The following ARMC2 variants were observed in gnomAD, a reference collection of about 807,000 sequenced individuals.
ARMC2 encodes armadillo repeat containing 2.
In ARMC2, 67 loss-of-function variants were observed where a neutral mutation model predicts 90.3. The observed-to-expected ratio is 0.74, with a 90% CI of 0.61 to 0.91. The LOEUF is 0.91. Ranked by LOEUF, ARMC2 falls within the 40% of genes least tolerant of loss-of-function variation. The probability of loss-of-function intolerance (pLI) is 0.00; values close to 1 mark genes in which losing one functional copy is unlikely to be tolerated. For missense variants in ARMC2, 920 were observed against 1,030.9 expected, an observed-to-expected ratio of 0.89 and a Z score of 1.47; for synonymous variants, 393 against 393.0, an observed-to-expected ratio of 1.00 and a Z score of 0.00.
intron 3 of ARMC2, among the ~76,000 whole-genome samples, chr6:108,863,724 T>C (rs1381919759): frequency 6.6e-6 from 1 of 152,252 alleles, no homozygotes; most frequent in East Asian, 1.9e-4. Flanking sequence ...AAACCCCAAA[T>C]GTTTTCGTTC....
intron 1 of ARMC2, among the ~76,000 whole-genome samples, chr6:108,853,226 G>A (rs1461096399): frequency 6.6e-6 from 1 of 152,166 alleles, no homozygotes; most frequent in African/African-American, 2.4e-5. Context: ...TGGGGCCTGT[G>A]TAGAAGGAAA....
chr6:108,873,133 G>A (rs182435432), intron 4 of ARMC2, among the ~76,000 whole-genome samples: 15 of 152,246 alleles, frequency 9.9e-5, no homozygotes, highest in South Asian at 4.1e-4. Context: ...AGCCTCCTCC[G>A]TTTTGTATTG....
Position 108,965,124 on chromosome 6 carries a change from G to T in ARMC2, c.2430G>T (p.Leu810Phe). The T allele has an allele frequency of 1.2e-6, 2 of 1,606,216 alleles. No homozygotes were observed. Among genetic ancestry groups the T allele is most frequent in the Non-Finnish European group, 1.7e-6 (2 of 1,173,286 alleles). ...AAGACACCAACACACTCTTACTCTT[G>T]CTCTCATCATTTTTAGGTAAGACTC... ...GNEDTNTLLL[L>F]LSSFLDEELA... is the part of the protein sequence containing the mutation. Residue 810 changes from leucine to phenylalanine, a missense_variant, in exon 17 of 18, where the codon TTG (leucine) becomes TTT (phenylalanine). Transcript: ENST00000392644.
chr6:108,881,902 G>A (rs1404187886), intron 5 of ARMC2, among the ~76,000 whole-genome samples: 5 of 152,104 alleles, frequency 3.3e-5, no homozygotes, highest in African/African-American at 7.2e-5. Flanking sequence ...GAATACCTCC[G>A]TTCGCTCTCT....
chr6:108,982,943 C>A, the ARMC2 span, among the ~76,000 whole-genome samples: 2 of 151,820 alleles, frequency 1.3e-5, no homozygotes, highest in South Asian at 2.1e-4. Flanking sequence ...GCCTCAGCCT[C>A]CAGAGTAATC....
chr6:109,036,163 G>A, the ARMC2 span, among the ~76,000 whole-genome samples: 1 of 152,124 alleles, frequency 6.6e-6, no homozygotes, highest in African/African-American at 2.4e-5. Context: ...TGGGGAGGGA[G>A]GGAGTGTTGT....
chr6:108,879,819 G>T, intron 5 of ARMC2: 1 of 427,870 alleles, frequency 2.3e-6, no homozygotes. Flanking sequence ...TTCTCTCTCA[G>T]CCACTTGATT....
chr6:108,855,070 T>TC (rs1774408641), intron 2 of ARMC2, among the ~76,000 whole-genome samples: 1 of 152,196 alleles, frequency 6.6e-6, no homozygotes, highest in Admixed American at 6.5e-5. Context: ...CTTGAATAGC[T>TC]CATTTCTTTT....
In ARMC2 at chr6:108,972,621, T is replaced by C. The variant is rs141967400; in HGVS notation, c.2447-736T>C. ...TGACTTTTAGATACAAACTTACATA[T>C]AAAAAACTAAGGAATTAGTTGAAAT... On this transcript the variant is annotated intron_variant, in intron 17 of 17. Transcript: ENST00000392644. 9.7e-3 allele frequency among the ~76,000 whole-genome samples: 1,477 copies of C among 152,286 alleles called. 30 individuals carry two copies. The highest frequency in any genetic ancestry group is 0.034 in the African/African-American group (1,412 of 41,554).
At chr6:108,886,155 A>AT (rs938423154) in intron 5 of ARMC2, among the ~76,000 whole-genome samples, 8 of 152,276 alleles carry the variant, frequency 5.3e-5, no homozygotes, top group East Asian at 1.9e-4. Flanking sequence ...TCCTTACGTC[A>AT]TTTTTTCCAA....
chr6:109,024,797 G>GT, the ARMC2 span, among the ~76,000 whole-genome samples: 5 of 152,328 alleles, frequency 3.3e-5, no homozygotes, highest in African/African-American at 1.2e-4. Context: ...GCCCAGCATT[G>GT]TGAGTATCGT....
intron 5 of ARMC2, among the ~76,000 whole-genome samples, chr6:108,876,965 C>T (rs1777000498): frequency 2.0e-5 from 3 of 152,096 alleles, no homozygotes; most frequent in Admixed American, 2.0e-4. Context: ...TGGAGAAATG[C>T]TTGCTGTTTG....
At chr6:108,911,606 C>T (rs753373493) in intron 9 of ARMC2, among the ~76,000 whole-genome samples, 10 of 152,062 alleles carry the variant, frequency 6.6e-5, no homozygotes, top group Non-Finnish European at 1.5e-4. Flanking sequence ...CTTTTTGCAA[C>T]ATAGGATAAA....
At chr6:108,882,968 T>A (rs1462868265) in intron 5 of ARMC2, among the ~76,000 whole-genome samples, 1 of 152,210 alleles carries the variant, frequency 6.6e-6, no homozygotes. Context: ...CAAGAAAAAT[T>A]TGATATGGAA....
chr6:108,948,865 G>C (rs1776983347), intron 12 of ARMC2, among the ~76,000 whole-genome samples: 1 of 152,078 alleles, frequency 6.6e-6, no homozygotes, highest in Admixed American at 6.6e-5. Flanking sequence ...TTTGAAGAAT[G>C]ATGACCACTA....
the ARMC2 span, chr6:109,000,383 G>C: frequency 3.9e-6 from 3 of 765,004 alleles, no homozygotes; most frequent in Non-Finnish European, 3.9e-6. Context: ...AGATTCAGGG[G>C]GTAGAAAATA....
the ARMC2 span, among the ~76,000 whole-genome samples, chr6:109,027,423 G>C: frequency 1.4e-5 from 2 of 143,876 alleles, no homozygotes; most frequent in African/African-American, 5.2e-5. Context: ...GCTGCAGTGA[G>C]CTGAGATCGC....
chr6:108,885,893 A>G (rs908493764), intron 5 of ARMC2, among the ~76,000 whole-genome samples: 18 of 152,176 alleles, frequency 1.2e-4, no homozygotes, highest in Non-Finnish European at 1.9e-4. Context: ...CTGTTTTTGT[A>G]AATAAACTGT....
At chr6:109,027,210 C>T in the ARMC2 span, among the ~76,000 whole-genome samples, 4 of 152,002 alleles carry the variant, frequency 2.6e-5, no homozygotes, top group South Asian at 4.2e-4. Flanking sequence ...TGGTGGCTCA[C>T]GCCTGTAATC....
Sources: allele counts gnomAD v4.1 joint callset (sites outside exome capture counted in the v4.1 genomes callset), GRCh38; gene constraint gnomAD v4.1.1; transcripts MANE v1.5; gene names NCBI Gene and HGNC (gene_info 2026-07-23, HGNC 2026-07-21).